The following DNAI4 variants were observed in gnomAD, a reference collection of about 807,000 sequenced individuals.
DNAI4 encodes the protein dynein axonemal intermediate chain 4, also known as WD repeat domain 78.
In DNAI4, 85 loss-of-function variants were observed where a neutral mutation model predicts 105.8. That is an observed-to-expected ratio of 0.80 (90% CI 0.67 to 0.96). The LOEUF (loss-of-function observed/expected upper bound fraction) is 0.96. Ranked by LOEUF, DNAI4 falls within the 40% of genes least tolerant of loss-of-function variation. The pLI is 0.00. For synonymous variants in DNAI4, 352 were observed against 331.5 expected (o/e 1.06, Z -0.67); for missense variants, 1,014 against 1,005.6 (o/e 1.01, Z -0.11).
At chr1:66,864,262 C>T (rs185740928) in intron 6 of DNAI4, among the ~76,000 whole-genome samples, 17 of 152,190 alleles carry the variant, frequency 1.1e-4, no homozygotes, top group Non-Finnish European at 1.5e-5. Context: ...TTAAAAAAGT[C>T]TCAAAATTCA....
chr1:66,883,180 C>CTTTTTTTTTTTTT (rs755412295), intron 4 of DNAI4, among the ~76,000 whole-genome samples: 23 of 92,960 alleles, frequency 2.5e-4, no homozygotes, highest in Admixed American at 4.3e-4. Flanking sequence ...GTTTTCTTTT[C>CTTTTTTTTTTTTT]TTTTTTTTTT....
At chr1:66,920,595 C>A (rs1650404925) in intron 1 of DNAI4, among the ~76,000 whole-genome samples, 1 of 152,156 alleles carries the variant, frequency 6.6e-6, no homozygotes, top group Non-Finnish European at 1.5e-5. Flanking sequence ...AAAGCACTCA[C>A]CCTGGCTCCT....
chr1:66,890,963 G>T lies in DNAI4; in HGVS notation c.643+191C>A. ...CAAAGCGCCATTGGTTCCTCAGGCT[G>T]ATGATTCAAAACAGTCACCCAGGGA... On this transcript the variant is annotated intron_variant, in intron 4 of 16. Transcript: ENST00000371026. This position sits in a 1 kb window ranked among gnomAD's most constrained non-coding sequence, Gnocchi z 4.1. The T allele has an allele frequency of 1.7e-6, 1 of 590,968 alleles. No homozygotes were observed. The highest frequency in any genetic ancestry group is 2.0e-5 in the South Asian group (1 of 51,204). 36.6% of individuals were successfully genotyped at this position (590,968 alleles called of 1,614,324 possible). A position where few individuals can be genotyped will look rare whatever the true frequency, so the allele number is the denominator to read the frequency against.
At chr1:66,912,124 G>A (rs1372500123) in intron 1 of DNAI4, among the ~76,000 whole-genome samples, 1 of 152,202 alleles carries the variant, frequency 6.6e-6, no homozygotes, top group Non-Finnish European at 1.5e-5. Context: ...ACAGGCATAA[G>A]CCAGCGTTCC....
At chr1:66,870,264 A>G (rs1231905201) in intron 6 of DNAI4, among the ~76,000 whole-genome samples, 2 of 151,760 alleles carry the variant, frequency 1.3e-5, no homozygotes, top group Non-Finnish European at 2.9e-5. Flanking sequence ...CAACATGGTG[A>G]AACCCCATCT....
rs903532077 is a variant in DNAI4, at chr1:66,864,734, C to T, written c.941-2432G>A. Among the ~76,000 whole-genome samples the T allele has an allele frequency of 2.5e-4, 38 of 152,142 alleles. 2 individuals carry two copies. The highest frequency in any genetic ancestry group is 7.5e-4 in the African/African-American group (31 of 41,514). ...CGGACACCTATAGACCCAGCTACTC[C>T]GGAGGCTGAGGCAGGAGAATCGCTT... On this transcript the variant is annotated intron_variant, in intron 6 of 16. Coordinates refer to ENST00000371026, the MANE Select transcript of DNAI4 (RefSeq NM_024763.5).
chr1:66,836,481 C>T (rs1337443250), intron 10 of DNAI4, among the ~76,000 whole-genome samples: 1 of 152,120 alleles, frequency 6.6e-6, no homozygotes, highest in Non-Finnish European at 1.5e-5. Flanking sequence ...CATATAATTC[C>T]TGTCTTCTAG....
intron 1 of DNAI4, among the ~76,000 whole-genome samples, chr1:66,918,335 T>C (rs1650213923): frequency 6.6e-6 from 1 of 152,258 alleles, no homozygotes; most frequent in Admixed American, 6.5e-5. Context: ...ATGTTTATTA[T>C]TTTCTACAGT....
At chr1:66,903,599 T>C (rs1240517624) in intron 2 of DNAI4, among the ~76,000 whole-genome samples, 1 of 152,180 alleles carries the variant, frequency 6.6e-6, no homozygotes, top group East Asian at 1.9e-4. Flanking sequence ...GTTCAAGTGA[T>C]TCTCCTGCCT....
chr1:66,817,398 C>T (rs570712240), intron 16 of DNAI4, among the ~76,000 whole-genome samples: 1 of 152,168 alleles, frequency 6.6e-6, no homozygotes, highest in East Asian at 1.9e-4. Flanking sequence ...CACGGCAAAA[C>T]CCCATCTCTA....
chr1:66,874,687 G>A, intron 5 of DNAI4, 94 bp downstream of exon 5: 1 of 1,337,364 alleles, frequency 7.5e-7, no homozygotes, highest in South Asian at 1.5e-5. Context: ...GTATACCCCA[G>A]AACCCCCAAG....
chr1:66,833,568 A>G lies in DNAI4; in HGVS notation c.2013+17T>C, dbSNP rs537681948. 9.9e-6 allele frequency: 16 copies of G among 1,611,184 alleles called. No homozygotes were observed. The South Asian group carries it at 1.4e-4, about 14-fold the overall frequency. ...AAATTGTTATGTCCAGTGGTAAATA[A>G]GAGTGAAATAATTTACCTTGGGATG... is the stretch of plus-strand genomic sequence containing the variant. On this transcript the variant is annotated intron_variant, in intron 13 of 16. Transcript: ENST00000371026.
chr1:66,880,664 C>A (rs1199420629), intron 4 of DNAI4, among the ~76,000 whole-genome samples: 1 of 152,046 alleles, frequency 6.6e-6, no homozygotes, highest in Non-Finnish European at 1.5e-5. Flanking sequence ...ATAAGGGAAG[C>A]AGAGCATAAA....
chr1:66,830,976 CA>C (rs71242799), intron 13 of DNAI4, among the ~76,000 whole-genome samples: 182 of 81,804 alleles, frequency 2.2e-3, no homozygotes, highest in African/African-American at 6.5e-3. Flanking sequence ...GACTCTGTCA[CA>C]AAAAAAAAAA....
chr1:66,828,876 C>A (rs984676512), intron 13 of DNAI4, among the ~76,000 whole-genome samples: 1 of 152,136 alleles, frequency 6.6e-6, no homozygotes, highest in South Asian at 2.1e-4. Context: ...AAATCGAATT[C>A]CTTTTTTAAT....
intron 7 of DNAI4, among the ~76,000 whole-genome samples, chr1:66,850,885 A>G (rs528720834): frequency 6.6e-6 from 1 of 152,106 alleles, no homozygotes; most frequent in East Asian, 1.9e-4. Flanking sequence ...AGAATGGTAA[A>G]AAAAATGTTT....
chr1:66,830,363 G>A (rs1645840475), intron 13 of DNAI4, among the ~76,000 whole-genome samples: 1 of 152,122 alleles, frequency 6.6e-6, no homozygotes, highest in Non-Finnish European at 1.5e-5. Context: ...ATCACAGAGT[G>A]GTGTCATGGT....
chr1:66,814,658 G>A (rs149840655), intron 16 of DNAI4, among the ~76,000 whole-genome samples: 139 of 152,242 alleles, frequency 9.1e-4, no homozygotes, highest in African/African-American at 3.1e-3. Context: ...GTGAGCCACC[G>A]CGCCTGGCCA....
chr1:66,865,516 A>G (rs1284383389), intron 6 of DNAI4, among the ~76,000 whole-genome samples: 4 of 152,236 alleles, frequency 2.6e-5, no homozygotes, highest in African/African-American at 9.7e-5. Flanking sequence ...AGATACAAGA[A>G]TCAGAGAAAT....
Sources: allele counts gnomAD v4.1 joint callset (sites outside exome capture counted in the v4.1 genomes callset), GRCh38; gene constraint gnomAD v4.1.1; non-coding constraint Gnocchi (gnomAD v3.1); transcripts MANE v1.5; gene names NCBI Gene and HGNC (gene_info 2026-07-23, HGNC 2026-07-21).